Variants in TAF4B observed in about 807,000 individuals in gnomAD.
TAF4B encodes TATA-box binding protein associated factor 4b.
In TAF4B, 38 loss-of-function variants were observed where a neutral mutation model predicts 86.4. That is an observed-to-expected ratio of 0.44 (90% CI 0.34 to 0.58). The LOEUF is 0.58. Ranked by LOEUF, TAF4B falls within the 20% of genes least tolerant of loss-of-function variation. The probability of loss-of-function intolerance (pLI) is 0.02; values close to 1 mark genes in which losing one functional copy is unlikely to be tolerated. For missense variants in TAF4B, 988 were observed against 1,027.6 expected (o/e 0.96, Z 0.53); for synonymous variants, 388 against 391.2 (o/e 0.99, Z 0.10).
intron 9 of TAF4B, among the ~76,000 whole-genome samples, chr18:26,296,356 C>T (rs989548833): frequency 1.3e-5 from 2 of 152,058 alleles, no homozygotes; most frequent in African/African-American, 2.4e-5. Context: ...TTTATGGGAA[C>T]ACCTTTTTAG....
chr18:26,338,885 A>G (rs756974382), intron 13 of TAF4B, among the ~76,000 whole-genome samples: 11 of 152,200 alleles, frequency 7.2e-5, no homozygotes, highest in Non-Finnish European at 1.3e-4. Flanking sequence ...TTTTTATAAA[A>G]GCATCAAATA....
rs1324542357 is a variant in TAF4B, at chr18:26,227,070, C to T, written c.137C>T (p.Thr46Ile). Residue 46 changes from threonine to isoleucine, a missense_variant, in exon 1 of 15, where the codon ACT becomes ATT. This residue lies in a region of TAF4B where 747 missense variants were observed against 737.9 expected (regional missense o/e 1.01). Coordinates refer to ENST00000269142, the MANE Select transcript of TAF4B (RefSeq NM_005640.3). ...ACTCCGGTGGCCCTGGGCGCCGTGA[C>T]TAAGGCTCCTGTCAGCGTCTGCGTG... ...ESTPVALGAVTKAPVSVCVEP... is the reference protein window; with the variant it reads ...ESTPVALGAVIKAPVSVCVEP... 4 of 1,602,802 alleles carry T rather than the reference C, an allele frequency of 2.5e-6. No individual in the cohort carries two copies. In the South Asian group the frequency reaches 4.4e-5, roughly 18 times the overall value.
chr18:26,261,172 AT>A (rs71169839), intron 1 of TAF4B, among the ~76,000 whole-genome samples: 3,143 of 76,934 alleles, frequency 0.041, 27 homozygotes, highest in African/African-American at 0.14. Flanking sequence ...GAGCACTGTC[AT>A]TTTTTTTTTT....
chr18:26,338,185 C>T lies in TAF4B; in HGVS notation c.2316+2954C>T, dbSNP rs141269800. ...TTCTTAAGCCAGGTGTAGTGGCTTA[C>T]ACCTGTAATCCTAGCACTTTGGGAG... On this transcript the variant is annotated intron_variant, in intron 13 of 14. Coordinates refer to ENST00000269142, the MANE Select transcript of TAF4B (RefSeq NM_005640.3). Among the ~76,000 whole-genome samples, 734 of 152,150 alleles carry T rather than the reference C, an allele frequency of 4.8e-3. 7 individuals are homozygous for T. The highest frequency in any genetic ancestry group is 0.017 in the African/African-American group (695 of 41,482).
intron 1 of TAF4B, 66 bp downstream of exon 1, chr18:26,227,342 C>T: frequency 2.8e-6 from 4 of 1,410,312 alleles, no homozygotes; most frequent in East Asian, 2.4e-5. Flanking sequence ...AAATTCGCAG[C>T]TCCAGATTGC....
intron 1 of TAF4B, among the ~76,000 whole-genome samples, chr18:26,260,616 G>C (rs994727649): frequency 2.6e-5 from 4 of 151,988 alleles, no homozygotes; most frequent in African/African-American, 9.7e-5. Context: ...ATTTCTGAGG[G>C]CTCTGTTCTG....
In TAF4B at chr18:26,292,388, G is replaced by T. The variant is rs1366631907; in HGVS notation, c.1726+7G>T. On this transcript the variant is annotated splice_region_variant and intron_variant, in intron 8 of 14. Coordinates refer to ENST00000269142, the MANE Select transcript of TAF4B (RefSeq NM_005640.3). Reference sequence around the variant, plus strand: ...ACTAGTCAGTTTCCTCCAGGTAGATGCTGGTCCATCTCAGTCCCATCATGC... The same window carrying T: ...ACTAGTCAGTTTCCTCCAGGTAGATTCTGGTCCATCTCAGTCCCATCATGC... 6.2e-7 allele frequency: 1 copy of T among 1,610,026 alleles called. No homozygotes were observed. Among genetic ancestry groups the T allele is most frequent in the Admixed American group, 1.7e-5 (1 of 59,230 alleles).
chr18:26,316,292 AT>A (rs933173293), intron 10 of TAF4B, among the ~76,000 whole-genome samples: 7 of 152,272 alleles, frequency 4.6e-5, no homozygotes, highest in South Asian at 2.1e-4. Flanking sequence ...AAAGTTCATT[AT>A]TATTACAGTT....
At chr18:26,302,741 AT>A (rs2056750024) in intron 9 of TAF4B, among the ~76,000 whole-genome samples, 1 of 152,062 alleles carries the variant, frequency 6.6e-6, no homozygotes, top group Admixed American at 6.6e-5. Context: ...AGAGATCCTG[AT>A]TCGTTTTTCC....
At chr18:26,236,361 C>T (rs887671165) in intron 1 of TAF4B, among the ~76,000 whole-genome samples, 14 of 152,180 alleles carry the variant, frequency 9.2e-5, no homozygotes, top group Admixed American at 7.8e-4. Flanking sequence ...CTGAGAAGGC[C>T]GCGCTGGTGA....
chr18:26,389,938 G>A lies in TAF4B; in HGVS notation c.2515G>A (p.Asp839Asn). Residue 839 changes from aspartate (D) to asparagine (N), a missense_variant, in exon 15 of 15, where the codon GAC becomes AAC. Physicochemically the swap from Asp to Asn is conservative, Grantham distance 23. Coordinates refer to ENST00000269142, the MANE Select transcript of TAF4B (RefSeq NM_005640.3). Reference sequence around the variant, plus strand: ...AAGAATCACGAGAATCTGCCTCAGGGACTTGATATTTTGTATGGAACAGGA... The same window carrying A: ...AAGAATCACGAGAATCTGCCTCAGGAACTTGATATTTTGTATGGAACAGGA... ...RPRITRICLR[D>N]LIFCMEQERE... 1 of 1,614,118 alleles carries A rather than the reference G, an allele frequency of 6.2e-7. No individual in the cohort carries two copies. The highest frequency in any genetic ancestry group is 1.6e-4 in the Middle Eastern group (1 of 6,062).
intron 1 of TAF4B, among the ~76,000 whole-genome samples, chr18:26,258,561 T>C (rs1205642490): frequency 2.0e-5 from 3 of 152,216 alleles, no homozygotes; most frequent in Non-Finnish European, 4.4e-5. Context: ...CCAAATTACA[T>C]AATTACCAGT....
intron 1 of TAF4B, among the ~76,000 whole-genome samples, chr18:26,244,188 A>G (rs978566765): frequency 7.2e-5 from 11 of 152,228 alleles, no homozygotes; most frequent in African/African-American, 2.7e-4. Flanking sequence ...GAGTCTACAG[A>G]GACAGGAAGG....
chr18:26,316,059 C>A (rs1411563014), intron 10 of TAF4B, among the ~76,000 whole-genome samples: 1 of 151,944 alleles, frequency 6.6e-6, no homozygotes, highest in Non-Finnish European at 1.5e-5. Context: ...AGAAAATTAG[C>A]CAGGTGTGGT....
intron 10 of TAF4B, 46 bp downstream of exon 10, chr18:26,315,444 G>T: frequency 6.9e-7 from 1 of 1,440,792 alleles, no homozygotes; most frequent in Non-Finnish European, 9.3e-7. Context: ...ATGTCTGTTT[G>T]AGGGAAAATA....
chr18:26,372,147 C>G (rs1194746204), intron 14 of TAF4B, among the ~76,000 whole-genome samples: 2 of 152,160 alleles, frequency 1.3e-5, no homozygotes, highest in Non-Finnish European at 2.9e-5. Flanking sequence ...CTAACAGTTC[C>G]CACATTGGTT....
chr18:26,382,773 T>G (rs1338742181), intron 14 of TAF4B, among the ~76,000 whole-genome samples: 3 of 152,198 alleles, frequency 2.0e-5, no homozygotes, highest in Non-Finnish European at 4.4e-5. Context: ...CTGTAAAGTA[T>G]TCACAGGTAC....
chr18:26,346,789 ATATATATATGTGTATATATATATATATG>A (rs2057188931), intron 13 of TAF4B, among the ~76,000 whole-genome samples: 1 of 34,158 alleles, frequency 2.9e-5, no homozygotes, highest in African/African-American at 8.1e-5. Context: ...GTGTATATAT[ATATATATATGTGTATATATATATATATG>A]TGTGTGTATA....
chr18:26,295,905 T>C (rs2056656601), intron 9 of TAF4B, among the ~76,000 whole-genome samples: 2 of 152,172 alleles, frequency 1.3e-5, no homozygotes, highest in Non-Finnish European at 2.9e-5. Context: ...TTTGGCCCTT[T>C]CAGTATGTAG....
Sources: allele counts gnomAD v4.1 joint callset (sites outside exome capture counted in the v4.1 genomes callset), GRCh38; gene constraint gnomAD v4.1.1; regional missense constraint gnomAD v4.1.1; transcripts MANE v1.5; gene names NCBI Gene and HGNC (gene_info 2026-07-23, HGNC 2026-07-21).